Variants in CSPP1 observed in about 807,000 individuals in gnomAD.
CSPP1 encodes the protein centrosome and spindle pole associated protein 1, also known as centrosome and spindle pole-associated protein 1.
A neutral mutation model predicts 164.4 loss-of-function variants in CSPP1; 126 were observed. That is an observed-to-expected ratio of 0.77 (90% CI 0.66 to 0.89). The LOEUF is 0.89. CSPP1 is among the 40% of genes least tolerant of loss of function. The pLI is 0.00. For missense variants in CSPP1, 1,395 were observed against 1,449.8 expected, an observed-to-expected ratio of 0.96 and a Z score of 0.61; for synonymous variants, 472 against 476.7, an observed-to-expected ratio of 0.99 and a Z score of 0.13.
At chr8:67,094,565 C>G (rs908457978) in intron 6 of CSPP1, among the ~76,000 whole-genome samples, 2 of 151,948 alleles carry the variant, frequency 1.3e-5, no homozygotes, top group Non-Finnish European at 2.9e-5. Flanking sequence ...AGCCACCAGG[C>G]CCTGCCACAG....
At chr8:67,187,307 C>G (rs1311689083) in intron 28 of CSPP1, among the ~76,000 whole-genome samples, 1 of 152,224 alleles carries the variant, frequency 6.6e-6, no homozygotes, top group East Asian at 1.9e-4. Flanking sequence ...CAGCTGACTT[C>G]AAGAGTTATG....
In CSPP1 at chr8:67,118,728, T is replaced by G; in HGVS notation, c.1619-15T>G. On this transcript the variant is annotated splice_polypyrimidine_tract_variant and intron_variant, in intron 14 of 30. Coordinates refer to ENST00000678616, the MANE Select transcript of CSPP1 (RefSeq NM_001382391.1). ...TCTAAATAAACTTTTTTTGTTTTTT[T>G]GTTTTTTCTTTAAGATGGTTCAGGA... 6.4e-7 allele frequency: 1 copy of G among 1,572,050 alleles called. No individual in the cohort carries two copies. Among genetic ancestry groups the G allele is most frequent in the East Asian group, 2.2e-5 (1 of 44,482 alleles).
intron 29 of CSPP1, among the ~76,000 whole-genome samples, chr8:67,192,598 C>G (rs1836680420): frequency 6.6e-6 from 1 of 152,076 alleles, no homozygotes; most frequent in South Asian, 2.1e-4. Context: ...ATTAAGAAAC[C>G]ATTGCCAACC....
chr8:67,134,705 G>A (rs569423560), intron 16 of CSPP1, among the ~76,000 whole-genome samples: 12 of 151,866 alleles, frequency 7.9e-5, no homozygotes, highest in South Asian at 2.1e-4. Flanking sequence ...GACTATAGGC[G>A]CCTGCCACCA....
intron 3 of CSPP1, 106 bp from the exon 4 acceptor site, chr8:67,085,901 T>G: frequency 6.1e-6 from 4 of 652,310 alleles, no homozygotes; most frequent in Admixed American, 5.2e-5. Context: ...ATCCTACTCT[T>G]GGAATAAGCA....
rs1277312076 is a variant in CSPP1, at chr8:67,195,887, A to AAGAT, written c.*296_*299dup. 7.0e-6 allele frequency: 2 copies of AAGAT among 284,520 alleles called. No individual in the cohort carries two copies. The highest frequency in any genetic ancestry group is 1.5e-4 in the East Asian group (2 of 13,184). The allele number at this position is 284,520 out of a possible 1,614,324, so 17.6% of individuals were successfully genotyped here. A position where few individuals can be genotyped will look rare whatever the true frequency, so the allele number is the denominator to read the frequency against. On this transcript the variant is annotated 3_prime_UTR_variant, in exon 31 of 31. Coordinates refer to ENST00000678616, the MANE Select transcript of CSPP1 (RefSeq NM_001382391.1). ...ATTATATTGAATTCTGCTTGTCATT[A>AAGAT]AGATAAGGTGAATAAGTGTCTTAAA...
chr8:67,100,734 C>A (rs1028268578), intron 7 of CSPP1, among the ~76,000 whole-genome samples: 2 of 150,352 alleles, frequency 1.3e-5, no homozygotes, highest in Non-Finnish European at 3.0e-5. Flanking sequence ...CATGAGCCGC[C>A]GTGCCCGGCC....
intron 21 of CSPP1, 90 bp downstream of exon 21, chr8:67,159,227 A>C: frequency 8.0e-7 from 1 of 1,245,758 alleles, no homozygotes; most frequent in Non-Finnish European, 1.1e-6. Context: ...GGGGAGAAAG[A>C]GGAGGAGGTG....
At chr8:67,112,591 C>G (rs941567600) in intron 10 of CSPP1, among the ~76,000 whole-genome samples, 2 of 152,144 alleles carry the variant, frequency 1.3e-5, no homozygotes, top group Non-Finnish European at 2.9e-5. Context: ...CTCGTATTCA[C>G]TTCATACGAG....
rs753160096 is a variant in CSPP1, at chr8:67,118,386, G to A, written c.1618+17G>A. ...TTGCTTATTGTAAGTTATCTATAGG[G>A]TAAGCATTTTCTCCCCGCTTGGCTC... On this transcript the variant is annotated intron_variant, in intron 14 of 30. Transcript: ENST00000678616. 1.2e-6 allele frequency: 2 copies of A among 1,612,554 alleles called. No homozygotes were observed. The highest frequency in any genetic ancestry group is 1.1e-5 in the South Asian group (1 of 90,812).
intron 2 of CSPP1, chr8:67,074,727 A>G (rs1807535989): frequency 4.1e-6 from 1 of 242,784 alleles, no homozygotes; most frequent in South Asian, 3.9e-5. Flanking sequence ...GAAAAAGTGA[A>G]TTTATTAATT....
intron 4 of CSPP1, among the ~76,000 whole-genome samples, chr8:67,086,604 T>C (rs1810450364): frequency 6.6e-6 from 1 of 152,142 alleles, no homozygotes; most frequent in African/African-American, 2.4e-5. Context: ...TGTTAAATTA[T>C]ATAATGGCCA....
In CSPP1 at chr8:67,105,804, G is replaced by T. The variant is rs1815382764; in HGVS notation, c.1023-101G>T. The stretch of plus-strand genomic sequence containing the variant: ...AATATTTTAATGTCCATAGTACTTT[G>T]AAAGGCTAATAATTCATAGCTACAT... On this transcript the variant is annotated intron_variant, in intron 8 of 30. Coordinates refer to ENST00000678616, the MANE Select transcript of CSPP1 (RefSeq NM_001382391.1). 8.7e-6 allele frequency: 6 copies of T among 691,118 alleles called. No individual in the cohort carries two copies. The Admixed American group carries it at 1.1e-4, about 13-fold the overall frequency. 42.8% of individuals were successfully genotyped at this position (691,118 alleles called of 1,614,324 possible).
chr8:67,097,187 G>A (rs1812988645), intron 7 of CSPP1, among the ~76,000 whole-genome samples: 1 of 152,080 alleles, frequency 6.6e-6, no homozygotes, highest in East Asian at 1.9e-4. Context: ...TAGCTTTTGG[G>A]ACCTGCTTTA....
In CSPP1 at chr8:67,105,987, A is replaced by G. The variant is rs756168459; in HGVS notation, c.1093+12A>G. The G allele has an allele frequency of 2.1e-6, 3 of 1,450,072 alleles. No individual in the cohort carries two copies. Among genetic ancestry groups the G allele is most frequent in the Non-Finnish European group, 2.9e-6 (3 of 1,030,800 alleles). The allele number at this position is 1,450,072 out of a possible 1,614,324, so 89.8% of individuals were successfully genotyped here. A position where few individuals can be genotyped will look rare whatever the true frequency, so the allele number is the denominator to read the frequency against. On this transcript the variant is annotated intron_variant, in intron 9 of 30. Transcript: ENST00000678616. Reference sequence around the variant, plus strand: ...AGGGATGCTCTTTGGTAGGCACAAAACTTCCAACTAGTTGCGCTTGTATAG... The same window carrying G: ...AGGGATGCTCTTTGGTAGGCACAAAGCTTCCAACTAGTTGCGCTTGTATAG...
chr8:67,112,096 T>G, intron 10 of CSPP1, 31 bp downstream of exon 10: 1 of 1,508,214 alleles, frequency 6.6e-7, no homozygotes, highest in Non-Finnish European at 9.2e-7. Context: ...AAAAGAGATA[T>G]TTTGAGTTTA....
chr8:67,172,531 G>C lies in CSPP1; in HGVS notation c.2944G>C (p.Asp982His). Residue 982 changes from aspartate (D) to histidine (H), a missense_variant, in exon 25 of 31, where the codon GAT becomes CAT. By Grantham distance (81) the Asp-to-His change is moderately conservative. Transcript: ENST00000678616. ...LDAATFQNVH[D>H]FNELKDRDSE... is the part of the protein sequence containing the mutation. ...CGCTGCCACTTTTCAGAATGTTCAT[G>C]ATTTTAATGAGCTGAAAGATAGAGG... 6.2e-7 allele frequency: 1 copy of C among 1,613,570 alleles called. No homozygotes were observed. The highest frequency in any genetic ancestry group is 8.5e-7 in the Non-Finnish European group (1 of 1,179,708).
chr8:67,175,280 A>T lies in CSPP1; in HGVS notation c.2969-16A>T. On this transcript the variant is annotated splice_polypyrimidine_tract_variant and intron_variant, in intron 25 of 30. Coordinates refer to ENST00000678616, the MANE Select transcript of CSPP1 (RefSeq NM_001382391.1). ...ACAACATTTAACTTAGTTATATAACATATTTTTTATACCAGATTCAGAAAC... is the reference window on the plus strand; with the variant it reads ...ACAACATTTAACTTAGTTATATAACTTATTTTTTATACCAGATTCAGAAAC... The T allele has an allele frequency of 6.3e-7, 1 of 1,590,618 alleles. No individual in the cohort carries two copies. Among genetic ancestry groups the T allele is most frequent in the African/African-American group, 1.4e-5 (1 of 74,034 alleles).
At chr8:67,101,127 A>G (rs1485445672) in intron 7 of CSPP1, among the ~76,000 whole-genome samples, 2 of 152,210 alleles carry the variant, frequency 1.3e-5, no homozygotes, top group Non-Finnish European at 2.9e-5. Context: ...GAATTGTAAC[A>G]ATATAAGGAA....
Sources: gnomAD v4.1 joint callset for allele counts (sites outside exome capture counted in the v4.1 genomes callset) on GRCh38, gnomAD v4.1.1 for gene constraint, MANE v1.5 for transcripts, NCBI Gene and HGNC (gene_info 2026-07-23, HGNC 2026-07-21) for gene names.